DYNC1H1: variants seen among roughly 807,000 people sequenced by gnomAD.
DYNC1H1 encodes the protein cytoplasmic dynein 1 heavy chain 1.
Under a neutral mutation model 527.1 loss-of-function variants are expected in DYNC1H1, and 51 were observed. That is an observed-to-expected ratio of 0.10 (90% confidence interval 0.08 to 0.12). The LOEUF (loss-of-function observed/expected upper bound fraction) is 0.12. DYNC1H1 is among the 10% of genes least tolerant of loss of function. The pLI is 1.00. For synonymous variants in DYNC1H1, 2,189 were observed against 2,278.8 expected (o/e 0.96, Z 1.12); for missense variants, 2,771 against 5,971.8 (o/e 0.46, Z 17.66).
chr14:102,033,617 T>G lies in DYNC1H1; in HGVS notation c.10413+133T>G, dbSNP rs1253408227. 35 of 1,159,696 alleles carry G rather than the reference T, an allele frequency of 3.0e-5. No homozygotes were observed. The highest frequency in any genetic ancestry group is 4.2e-5 in the Non-Finnish European group (34 of 804,762). 71.8% of individuals were successfully genotyped at this position (1,159,696 alleles called of 1,614,324 possible). ...TAACATCTGTAAGGCCCCGGAGGAC[T>G]TTTTTCCTGGAAAATAATACACACT... On this transcript the variant is annotated intron_variant, in intron 54 of 77. Coordinates refer to ENST00000360184, the MANE Select transcript of DYNC1H1 (RefSeq NM_001376.5). This position sits in a 1 kb window ranked among gnomAD's most constrained non-coding sequence, Gnocchi z 5.6.
In DYNC1H1 at chr14:102,016,182, T is replaced by C; in HGVS notation, c.7473+96T>C. 6.6e-7 allele frequency: 1 copy of C among 1,518,524 alleles called. No homozygotes were observed. The highest frequency in any genetic ancestry group is 1.4e-5 in the African/African-American group (1 of 72,306). The allele number at this position is 1,518,524 out of a possible 1,614,324, so 94.1% of individuals were successfully genotyped here. A position where few individuals can be genotyped will look rare whatever the true frequency, so the allele number is the denominator to read the frequency against. ...GCTGCACCTGTGGGGATGTGCGCTC[T>C]CTCCTAGGCGAGGCAGAGCCTTCGT... On this transcript the variant is annotated intron_variant, in intron 36 of 77. Coordinates refer to ENST00000360184, the MANE Select transcript of DYNC1H1 (RefSeq NM_001376.5). This position sits in a 1 kb window ranked among gnomAD's most constrained non-coding sequence, Gnocchi z 7.3.
At position 102,049,721 on chromosome 14, in the gene DYNC1H1, A is replaced by T; in HGVS notation, c.13523A>T (p.His4508Leu). ...GGCTGCTGCTTTCCACAGAACATCC[A>T]CGTGTGCCTGGGTGGCCTGTTCGTG... The part of the protein sequence containing the change: ...SGGAKELKNI[H>L]VCLGGLFVPE... The change falls in exon 76 of 78, where the codon CAC (histidine) becomes CTC (leucine). Residue 4508 changes from histidine (H) to leucine (L), a missense_variant. His to Leu is a moderately conservative substitution (Grantham distance 99). Around this residue, in one of 32 missense-constraint regions of DYNC1H1, gnomAD observed 170 missense variants for 249.8 expected, o/e 0.68. Coordinates refer to ENST00000360184, the MANE Select transcript of DYNC1H1 (RefSeq NM_001376.5). This position sits in a 1 kb window ranked among gnomAD's most constrained non-coding sequence, Gnocchi z 5.5. The T allele has an allele frequency of 6.2e-7, 1 of 1,613,814 alleles. No homozygotes were observed. The highest frequency in any genetic ancestry group is 8.5e-7 in the Non-Finnish European group (1 of 1,180,002).
Position 102,049,261 on chromosome 14 carries a change from A to C in DYNC1H1, c.13373-179A>C. The C allele has an allele frequency of 1.3e-6, 1 of 789,996 alleles. No homozygotes were observed. Among genetic ancestry groups the C allele is most frequent in the Non-Finnish European group, 2.1e-6 (1 of 479,066 alleles). The allele number at this position is 789,996 out of a possible 1,614,324, so 48.9% of individuals were successfully genotyped here. ...GACATGCTCTGGACCAGCCTGAGCT[A>C]GAGCAGATGTGGTGAGGGCGGCGCC... On this transcript the variant is annotated intron_variant, in intron 74 of 77. Transcript: ENST00000360184. This position sits in a 1 kb window ranked among gnomAD's most constrained non-coding sequence, Gnocchi z 5.5.
chr14:102,039,122 G>A lies in DYNC1H1; in HGVS notation c.11328G>A (p.Glu3776=), dbSNP rs770476466. 1.2e-6 allele frequency: 2 copies of A among 1,614,218 alleles called. No homozygotes were observed. The highest frequency in any genetic ancestry group is 2.2e-5 in the South Asian group (2 of 91,088). The stretch of plus-strand genomic sequence containing the variant: ...CCACTCTGGAGAACCTGAAGAGAGA[G>A]GCTGCAGAGGTCACCAGGAAAGTTG... ...IITTLENLKR[E]AAEVTRKVEE... Residue 3776 remains glutamate (E), a synonymous_variant, in exon 60 of 78, where the codon GAG becomes GAA. Coordinates refer to ENST00000360184, the MANE Select transcript of DYNC1H1 (RefSeq NM_001376.5). This position sits in a 1 kb window ranked among gnomAD's most constrained non-coding sequence, Gnocchi z 7.0.
intron 15 of DYNC1H1, 33 bp downstream of exon 15, chr14:101,995,333 T>G (rs535057454): frequency 6.2e-7 from 1 of 1,612,896 alleles, no homozygotes; most frequent in African/African-American, 1.3e-5. Context: ...AATTTTTGGC[T>G]GGGCGTGGTG....
Position 102,047,902 on chromosome 14 carries a change from G to A in DYNC1H1, c.13092G>A (p.Thr4364=), listed in dbSNP as rs756654668. Residue 4364 remains threonine, a synonymous_variant, in exon 73 of 78, where the codon ACG becomes ACA. Transcript: ENST00000360184. ...CCTACGCAGAGACTGAGAAGAAGACGAGGACAGACTCCACGTCCGACGGGC... is the reference window on the plus strand; with the variant it reads ...CCTACGCAGAGACTGAGAAGAAGACAAGGACAGACTCCACGTCCGACGGGC... ...DLAYAETEKK[T]RTDSTSDGRP... is the part of the protein sequence containing the mutation. 8 of 1,613,590 alleles carry A rather than the reference G, an allele frequency of 5.0e-6. No individual in the cohort carries two copies. Among genetic ancestry groups the A allele is most frequent in the East Asian group, 2.2e-5 (1 of 44,886 alleles).
In DYNC1H1 at chr14:102,049,992, A is replaced by T; in HGVS notation, c.13685-79A>T. The T allele has an allele frequency of 6.2e-7, 1 of 1,613,858 alleles. No homozygotes were observed. The highest frequency in any genetic ancestry group is 8.5e-7 in the Non-Finnish European group (1 of 1,179,940). Reference sequence around the variant, plus strand: ...GGGTGACCGGCTGGCAGTTGGGTGGAGCCTCTGGGCGCCCTGTGACTGGGG... The same window carrying T: ...GGGTGACCGGCTGGCAGTTGGGTGGTGCCTCTGGGCGCCCTGTGACTGGGG... On this transcript the variant is annotated intron_variant, in intron 76 of 77. Transcript: ENST00000360184. The surrounding 1 kb of genome is among the most constrained non-coding windows in gnomAD (Gnocchi z 5.5).
Position 102,038,048 on chromosome 14 carries a change from G to A in DYNC1H1, c.10909-412G>A. ...TTATGTTTTTTTGAGACAGAGTGTT[G>A]CTCTGTCCCCCAGTCTGAACCTCCC... On this transcript the variant is annotated intron_variant, in intron 57 of 77. Coordinates refer to ENST00000360184, the MANE Select transcript of DYNC1H1 (RefSeq NM_001376.5). The surrounding 1 kb of genome is among the most constrained non-coding windows in gnomAD (Gnocchi z 7.2). 1 of 330,914 alleles carries A rather than the reference G, an allele frequency of 3.0e-6. No homozygotes were observed. The highest frequency in any genetic ancestry group is 4.3e-5 in the Admixed American group (1 of 23,460). 20.5% of individuals were successfully genotyped at this position (330,914 alleles called of 1,614,324 possible).
Position 102,013,563 on chromosome 14 carries a change from G to A in DYNC1H1, c.7014+1093G>A, listed in dbSNP as rs182907032. Among the ~76,000 whole-genome samples, 15 of 152,234 alleles carry A rather than the reference G, an allele frequency of 9.9e-5. No individual in the cohort carries two copies. The East Asian group carries it at 2.3e-3, about 24-fold the overall frequency. On this transcript the variant is annotated intron_variant, in intron 34 of 77. Coordinates refer to ENST00000360184, the MANE Select transcript of DYNC1H1 (RefSeq NM_001376.5). ...ACAGCAAGGGGCAGTCGGCTGAAGC[G>A]GAGAGGACTGGGGAGGACAAGTCAG...
In DYNC1H1 at chr14:102,001,076, G is replaced by T; in HGVS notation, c.4185+12G>T. 1 of 1,614,106 alleles carries T rather than the reference G, an allele frequency of 6.2e-7. No individual in the cohort carries two copies. Among genetic ancestry groups the T allele is most frequent in the South Asian group, 1.1e-5 (1 of 91,088 alleles). On this transcript the variant is annotated intron_variant, in intron 19 of 77. Transcript: ENST00000360184. This position sits in a 1 kb window ranked among gnomAD's most constrained non-coding sequence, Gnocchi z 5.0. Reference sequence around the variant, plus strand: ...AAGGTTACATGAAGGTAGGTGGCCAGTATCGCACGGTGATGAGTGTCCATT... The same window carrying T: ...AAGGTTACATGAAGGTAGGTGGCCATTATCGCACGGTGATGAGTGTCCATT...
chr14:102,050,936 C>CT lies in DYNC1H1; in HGVS notation c.*374dup. On this transcript the variant is annotated 3_prime_UTR_variant, in exon 78 of 78. Transcript: ENST00000360184. ...AGCTCGCTCCCGAGCGGCCACAGCA[C>CT]TCATGAATGAAGACCTTGGGGCCCT... is the stretch of plus-strand genomic sequence containing the variant. 2.8e-6 allele frequency: 1 copy of CT among 351,944 alleles called. No homozygotes were observed. The highest frequency in any genetic ancestry group is 5.5e-6 in the Non-Finnish European group (1 of 182,458). The allele number at this position is 351,944 out of a possible 1,614,324, so 21.8% of individuals were successfully genotyped here. A position where few individuals can be genotyped will look rare whatever the true frequency, so the allele number is the denominator to read the frequency against.
In DYNC1H1 at chr14:102,027,627, T is replaced by C. The variant is rs778613903; in HGVS notation, c.9057T>C (p.Gly3019=). 1 of 1,614,030 alleles carries C rather than the reference T, an allele frequency of 6.2e-7. No homozygotes were observed. Among genetic ancestry groups the C allele is most frequent in the South Asian group, 1.1e-5 (1 of 91,066 alleles). ...NTLLANGEVP[G]LFEGDEYATL... Reference sequence around the variant, plus strand: ...ACTGTGCTGTTTCCCAGGTGCCTGGTCTCTTTGAAGGAGACGAGTATGCCA... The same window carrying C: ...ACTGTGCTGTTTCCCAGGTGCCTGGCCTCTTTGAAGGAGACGAGTATGCCA... The change falls in exon 47 of 78, where the codon GGT becomes GGC. Residue 3019 remains glycine (G), a synonymous_variant. Coordinates refer to ENST00000360184, the MANE Select transcript of DYNC1H1 (RefSeq NM_001376.5). The surrounding 1 kb of genome is among the most constrained non-coding windows in gnomAD (Gnocchi z 7.7).
chr14:102,033,048 T>C lies in DYNC1H1; in HGVS notation c.10080-17T>C, dbSNP rs1407091074. On this transcript the variant is annotated splice_polypyrimidine_tract_variant and intron_variant, in intron 52 of 77. Transcript: ENST00000360184. The surrounding 1 kb of genome is among the most constrained non-coding windows in gnomAD (Gnocchi z 5.6). ...TTTGTCCTGCATGTGTTTAGAAATATCATTCGTCTTTTACAGTGACGCCAT... is the reference window on the plus strand; with the variant it reads ...TTTGTCCTGCATGTGTTTAGAAATACCATTCGTCTTTTACAGTGACGCCAT... 2 of 1,608,216 alleles carry C rather than the reference T, an allele frequency of 1.2e-6. No individual in the cohort carries two copies. The highest frequency in any genetic ancestry group is 2.2e-5 in the East Asian group (1 of 44,852).
chr14:102,031,623 G>A (rs1017789084), intron 51 of DYNC1H1, among the ~76,000 whole-genome samples: 2 of 151,930 alleles, frequency 1.3e-5, no homozygotes, highest in Admixed American at 1.3e-4. Flanking sequence ...TAAAATAAAT[G>A]CACAATTGCA....
intron 77 of DYNC1H1, 59 bp downstream of exon 77, chr14:102,050,257 G>C (rs988577760): frequency 1.7e-5 from 28 of 1,613,564 alleles, no homozygotes; most frequent in Non-Finnish European, 2.4e-5. Flanking sequence ...AACAAGGGCA[G>C]AGGCGGCTCC....
intron 72 of DYNC1H1, among the ~76,000 whole-genome samples, chr14:102,045,622 A>C (rs1361457264): frequency 6.6e-6 from 1 of 152,136 alleles, no homozygotes; most frequent in African/African-American, 2.4e-5. Flanking sequence ...AAAAAGAAAA[A>C]AGAAAATCAG....
In DYNC1H1 at chr14:101,998,887, T is replaced by TTTG. The variant is rs1384643242; in HGVS notation, c.3805-1100_3805-1099insGTT. 2.8e-5 allele frequency among the ~76,000 whole-genome samples: 4 copies of TTTG among 145,220 alleles called. 1 individual carries two copies. Among genetic ancestry groups the TTTG allele is most frequent in the African/African-American group, 1.1e-4 (4 of 38,014 alleles). On this transcript the variant is annotated intron_variant, in intron 16 of 77. Transcript: ENST00000360184. ...TAGAGTTAAAACTTTTTCTTTTTTT[T>TTTG]TTTTTTTTTTTTGAGACGGAGTCTT...
At chr14:102,008,027 AT>A in intron 28 of DYNC1H1, 150 bp from the exon 29 acceptor site, 2 of 1,113,664 alleles carry the variant, frequency 1.8e-6, no homozygotes, top group Non-Finnish European at 2.6e-6. Flanking sequence ...TTATGGCCTC[AT>A]TTAACCTTAG....
At position 102,049,788 on chromosome 14, in the gene DYNC1H1, G is replaced by C; in HGVS notation, c.13590G>C (p.Gln4530His). 1 of 1,613,936 alleles carries C rather than the reference G, an allele frequency of 6.2e-7. No individual in the cohort carries two copies. The highest frequency in any genetic ancestry group is 8.5e-7 in the Non-Finnish European group (1 of 1,180,042). Reference protein sequence around the residue: ...YITATRQYVAQANSWSLEELC... With the variant: ...YITATRQYVAHANSWSLEELC... Reference sequence around the variant, plus strand: ...CTGCCACCAGGCAGTATGTGGCCCAGGCCAACAGCTGGTCCCTGGAGGAGC... The same window carrying C: ...CTGCCACCAGGCAGTATGTGGCCCACGCCAACAGCTGGTCCCTGGAGGAGC... The change falls in exon 76 of 78, where the codon CAG (glutamine) becomes CAC (histidine). Residue 4530 changes from glutamine (Q) to histidine (H), a missense_variant. Gln to His is a conservative substitution (Grantham distance 24). Around this residue, in one of 32 missense-constraint regions of DYNC1H1, gnomAD observed 5 missense variants for 28.5 expected, o/e 0.18. Coordinates refer to ENST00000360184, the MANE Select transcript of DYNC1H1 (RefSeq NM_001376.5). This position sits in a 1 kb window ranked among gnomAD's most constrained non-coding sequence, Gnocchi z 5.5.
Sources: gnomAD v4.1 joint callset for allele counts (sites outside exome capture counted in the v4.1 genomes callset) on GRCh38, gnomAD v4.1.1 for gene constraint, gnomAD v4.1.1 regional missense constraint, Gnocchi (gnomAD v3.1) non-coding constraint, MANE v1.5 for transcripts, NCBI Gene and HGNC (gene_info 2026-07-23, HGNC 2026-07-21) for gene names.